Variants in BACH2 observed in about 807,000 individuals in gnomAD.
BACH2 encodes the protein BACH transcriptional regulator 2.
Under a neutral mutation model 61.8 loss-of-function variants are expected in BACH2, and 5 were observed. That is an observed-to-expected ratio of 0.08 (90% CI 0.04 to 0.17). The LOEUF (loss-of-function observed/expected upper bound fraction) is 0.17, where lower values mean the gene tolerates loss of function less well. BACH2 is among the 10% of genes least tolerant of loss of function. The pLI is 1.00. For synonymous variants in BACH2, 446 were observed against 440.1 expected (o/e 1.01, Z -0.17); for missense variants, 824 against 1,091.1 (o/e 0.76, Z 3.45).
At chr6:89,974,531 A>T (rs947101666) in intron 6 of BACH2, among the ~76,000 whole-genome samples, 1 of 152,176 alleles carries the variant, frequency 6.6e-6, no homozygotes, top group African/African-American at 2.4e-5. Flanking sequence ...ACGGGAGAAA[A>T]AACGCCCTGA....
intron 1 of BACH2, among the ~76,000 whole-genome samples, chr6:90,296,191 A>C (rs1198511244): frequency 6.6e-6 from 1 of 151,924 alleles, no homozygotes; most frequent in African/African-American, 2.4e-5. Context: ...ACACCCTTCG[A>C]CGCCAGCAAA....
chr6:90,189,614 C>CAAAAA (rs59022545), intron 4 of BACH2, among the ~76,000 whole-genome samples: 7 of 47,754 alleles, frequency 1.5e-4, no homozygotes, highest in Admixed American at 2.2e-4. Flanking sequence ...GACTCCGTCT[C>CAAAAA]AAAAAAAAAA....
rs76587383 is a variant in BACH2, at chr6:90,041,999, C to T, written c.-12-33143G>A. ...TTGCCAAAATAAATATTTTAGGCCACGGCTTCTCTTCTGACCACTGCTTTA... is the reference window on the plus strand; with the variant it reads ...TTGCCAAAATAAATATTTTAGGCCATGGCTTCTCTTCTGACCACTGCTTTA... On this transcript the variant is annotated intron_variant, in intron 5 of 8. Coordinates refer to ENST00000257749, the MANE Select transcript of BACH2 (RefSeq NM_021813.4). Among the ~76,000 whole-genome samples the T allele has an allele frequency of 8.9e-3, 1,355 of 152,236 alleles. 54 individuals carry two copies. In the East Asian group the frequency reaches 0.14, roughly 15 times the overall value.
chr6:90,252,895 A>C (rs1214751533), intron 2 of BACH2, among the ~76,000 whole-genome samples: 1 of 152,198 alleles, frequency 6.6e-6, no homozygotes. Context: ...CTGCATTAAT[A>C]AAGACACTGT....
At chr6:89,964,129 C>T (rs1175112595) in intron 6 of BACH2, among the ~76,000 whole-genome samples, 2 of 150,990 alleles carry the variant, frequency 1.3e-5, no homozygotes, top group African/African-American at 2.4e-5. Context: ...GTGGGTGCAG[C>T]GCACCAGCAT....
intron 6 of BACH2, chr6:89,952,204 T>TGATACGGCGAC: frequency 3.4e-6 from 1 of 298,406 alleles, no homozygotes; most frequent in Non-Finnish European, 6.4e-6. Context: ...TCCCTCCCAA[T>TGATACGGCGAC]CAGTCCTGTT....
intron 3 of BACH2, among the ~76,000 whole-genome samples, chr6:90,217,594 T>C (rs1190257140): frequency 1.3e-5 from 2 of 152,228 alleles, no homozygotes; most frequent in Non-Finnish European, 2.9e-5. Context: ...TTACATTTGT[T>C]GTAAGAATGT....
chr6:89,971,158 T>C (rs936395221), intron 6 of BACH2, among the ~76,000 whole-genome samples: 5 of 152,192 alleles, frequency 3.3e-5, no homozygotes, highest in African/African-American at 7.2e-5. Context: ...CAGTTCACCT[T>C]TGCCACACAG....
At chr6:90,011,868 C>T (rs1483812382) in intron 5 of BACH2, among the ~76,000 whole-genome samples, 1 of 149,946 alleles carries the variant, frequency 6.7e-6, no homozygotes, top group Non-Finnish European at 1.5e-5. Context: ...TTGCAGTGGC[C>T]GAGATCACAC....
In BACH2 at chr6:89,932,595, G is replaced by C. The variant is rs1772726359; in HGVS notation, c.2339C>G (p.Pro780Arg). 3 of 1,613,946 alleles carry C rather than the reference G, an allele frequency of 1.9e-6. No individual in the cohort carries two copies. Among genetic ancestry groups the C allele is most frequent in the Admixed American group, 1.7e-5 (1 of 60,004 alleles). ...LEPGAAPPGP[P>R]WAPSNTSENC... is the part of the protein sequence containing the mutation. ...CTCGGAGGTGTTGCTGGGTGCCCAG[G>C]GGGGTCCGGGGGGAGCCGCGCCTGG... Residue 780 changes from proline (P) to arginine (R), a missense_variant, in exon 9 of 9, where the codon CCC becomes CGC. Physicochemically the swap from Pro to Arg is moderately radical, Grantham distance 103. This residue lies in a region of BACH2 where 135 missense variants were observed against 142.7 expected (regional missense o/e 0.95). Transcript: ENST00000257749.
intron 2 of BACH2, among the ~76,000 whole-genome samples, chr6:90,252,889 A>G (rs748600696): frequency 6.6e-6 from 1 of 152,242 alleles, no homozygotes; most frequent in Non-Finnish European, 1.5e-5. Context: ...CTTAGGCTGC[A>G]TTAATAAAGA....
At chr6:89,997,230 T>C (rs1032124386) in intron 6 of BACH2, among the ~76,000 whole-genome samples, 21 of 152,178 alleles carry the variant, frequency 1.4e-4, no homozygotes, top group African/African-American at 5.1e-4. Flanking sequence ...TGGAAAGACT[T>C]TGTTAAACAG....
chr6:90,104,008 G>T (rs1239060636), intron 4 of BACH2, among the ~76,000 whole-genome samples: 2 of 152,186 alleles, frequency 1.3e-5, no homozygotes, highest in Non-Finnish European at 2.9e-5. Context: ...GACCGACAAA[G>T]TGGCAAAGAG....
intron 5 of BACH2, among the ~76,000 whole-genome samples, chr6:90,056,780 C>A (rs1423773641): frequency 6.6e-6 from 1 of 152,184 alleles, no homozygotes; most frequent in Non-Finnish European, 1.5e-5. Context: ...GTCTCTCAGA[C>A]CACAGTGCAA....
intron 4 of BACH2, among the ~76,000 whole-genome samples, chr6:90,199,198 C>A (rs577946225): frequency 3.9e-5 from 6 of 152,304 alleles, no homozygotes; most frequent in Admixed American, 1.3e-4. Context: ...CAGTGCTTCA[C>A]CACACACTGC....
At chr6:90,164,297 A>G (rs1767527001) in intron 4 of BACH2, among the ~76,000 whole-genome samples, 1 of 152,182 alleles carries the variant, frequency 6.6e-6, no homozygotes, top group South Asian at 2.1e-4. Flanking sequence ...TCTACGCAAA[A>G]AACTTGAAAA....
chr6:90,211,756 T>TA (rs1449151774), intron 3 of BACH2, among the ~76,000 whole-genome samples: 1 of 152,080 alleles, frequency 6.6e-6, no homozygotes, highest in Non-Finnish European at 1.5e-5. Context: ...AAGCCTTCAG[T>TA]AATATATGTC....
At chr6:90,118,289 G>T (rs1383516896) in intron 4 of BACH2, among the ~76,000 whole-genome samples, 1 of 152,186 alleles carries the variant, frequency 6.6e-6, no homozygotes, top group East Asian at 1.9e-4. Context: ...CTACTGACTA[G>T]CTTTTTCTGC....
Position 90,171,176 on chromosome 6 carries a change from C to T in BACH2, c.-162+35393G>A, listed in dbSNP as rs1253858667. Among the ~76,000 whole-genome samples, 4 of 151,928 alleles carry T rather than the reference C, an allele frequency of 2.6e-5. 1 individual carries two copies. The highest frequency in any genetic ancestry group is 1.3e-4 in the Admixed American group (2 of 15,256). On this transcript the variant is annotated intron_variant, in intron 4 of 8. Coordinates refer to ENST00000257749, the MANE Select transcript of BACH2 (RefSeq NM_021813.4). ...CTGTAATCCCAGCACTTTGGGAGGC[C>T]GAGACAGGAGGATCACTTGAGGTCA... is the stretch of plus-strand genomic sequence containing the variant.
Sources: gnomAD v4.1 joint callset for allele counts (sites outside exome capture counted in the v4.1 genomes callset) on GRCh38, gnomAD v4.1.1 for gene constraint, gnomAD v4.1.1 regional missense constraint, MANE v1.5 for transcripts, NCBI Gene and HGNC (gene_info 2026-07-23, HGNC 2026-07-21) for gene names.